MRC1: variants seen among roughly 807,000 people sequenced by gnomAD.
MRC1 encodes macrophage mannose receptor 1.
In MRC1, 62 loss-of-function variants were observed where a neutral mutation model predicts 102.9. The ratio of observed to expected loss-of-function variants is 0.60; its 90% CI spans 0.49 to 0.74. The LOEUF is 0.74. Among genes scored for constraint, MRC1 ranks in the 30% least tolerant of loss-of-function variants. The pLI is 0.00. For missense variants in MRC1, 1,237 were observed against 862.8 expected, an observed-to-expected ratio of 1.43 and a Z score of -5.43; for synonymous variants, 457 against 298.4, an observed-to-expected ratio of 1.53 and a Z score of -5.48.
chr10:17,820,702 A>T (rs1838382123), intron 1 of MRC1, among the ~76,000 whole-genome samples: 1 of 152,236 alleles, frequency 6.6e-6, no homozygotes, highest in Non-Finnish European at 1.5e-5. Context: ...AAACAACAGT[A>T]GGTAGAATAA....
rs974756967 is a variant in MRC1 at position 17,879,912 on chromosome 10, A to C, written c.2719+91A>C. On this transcript the variant is annotated intron_variant, in intron 19 of 29. Coordinates refer to ENST00000569591, the MANE Select transcript of MRC1 (RefSeq NM_002438.4). Reference sequence around the variant, plus strand: ...TAAAAGTAGCAAGTTGTGTGCTTACATCAGACAAGATAAGAAGAGAGAATA... The same window carrying C: ...TAAAAGTAGCAAGTTGTGTGCTTACCTCAGACAAGATAAGAAGAGAGAATA... 368 of 778,134 alleles carry C rather than the reference A, an allele frequency of 4.7e-4. 1 individual carries two copies. The African/African-American group carries it at 5.6e-3, about 12-fold the overall frequency. The allele number at this position is 778,134 out of a possible 1,614,324, so 48.2% of individuals were successfully genotyped here.
chr10:17,890,114 T>G (rs1833652532), intron 22 of MRC1, among the ~76,000 whole-genome samples: 1 of 152,224 alleles, frequency 6.6e-6, no homozygotes, highest in African/African-American at 2.4e-5. Context: ...TGGTGGGTTT[T>G]TTCTTTCAGC....
At chr10:17,888,017 A>G (rs1833624552) in intron 22 of MRC1, among the ~76,000 whole-genome samples, 2 of 151,998 alleles carry the variant, frequency 1.3e-5, no homozygotes, top group Non-Finnish European at 2.9e-5. Context: ...TGTTGGCCAG[A>G]CTGGTCTCGA....
At chr10:17,868,355 C>G (rs1833307824) in intron 12 of MRC1, among the ~76,000 whole-genome samples, 1 of 151,858 alleles carries the variant, frequency 6.6e-6, no homozygotes, top group African/African-American at 2.4e-5. Context: ...CACAAGGTGG[C>G]AGGACAGAGA....
chr10:17,860,275 T>G (rs1339561175), intron 9 of MRC1, among the ~76,000 whole-genome samples: 1 of 61,868 alleles, frequency 1.6e-5, no homozygotes, highest in African/African-American at 5.4e-5. Context: ...AGCATTTCTG[T>G]TTTTTTTTTT....
chr10:17,886,717 T>C (rs1347162437), intron 22 of MRC1, among the ~76,000 whole-genome samples: 2 of 152,146 alleles, frequency 1.3e-5, no homozygotes, highest in East Asian at 1.9e-4. Context: ...TTTGTTTCAA[T>C]AAATTTAAAA....
intron 23 of MRC1, among the ~76,000 whole-genome samples, chr10:17,897,344 T>G (rs911715075): frequency 1.1e-4 from 17 of 152,102 alleles, no homozygotes; most frequent in Non-Finnish European, 2.2e-4. Context: ...GCTAGGAGCT[T>G]GAGGACAAAA....
intron 19 of MRC1, among the ~76,000 whole-genome samples, 162 bp from the exon 20 acceptor site, chr10:17,880,363 A>C (rs1833496686): frequency 6.6e-6 from 1 of 152,246 alleles, no homozygotes; most frequent in Non-Finnish European, 1.5e-5. Flanking sequence ...GTAAAACAGC[A>C]AAAGGATATT....
intron 3 of MRC1, among the ~76,000 whole-genome samples, chr10:17,830,018 A>G (rs1564611883): frequency 9.2e-5 from 14 of 151,744 alleles, no homozygotes; most frequent in Non-Finnish European, 2.9e-5. Flanking sequence ...TGGTTTCAAT[A>G]TGCATTAAAA....
intron 17 of MRC1, among the ~76,000 whole-genome samples, chr10:17,876,203 C>T (rs1212305181): frequency 6.6e-6 from 1 of 151,706 alleles, no homozygotes; most frequent in East Asian, 1.9e-4. Context: ...CAAGTTATGC[C>T]CTATTGTTTA....
chr10:17,863,589 T>C lies in MRC1; in HGVS notation c.1690T>C (p.Trp564Arg). The C allele has an allele frequency of 1.3e-6, 1 of 780,912 alleles. No homozygotes were observed. 48.4% of individuals were successfully genotyped at this position (780,912 alleles called of 1,614,324 possible). The change falls in exon 11 of 30, where the codon TGG becomes CGG. Residue 564 changes from tryptophan to arginine, a missense_variant. Transcript: ENST00000569591. ...FVGLRPEKYFWTGLSDIQTKG... is the reference protein window; with the variant it reads ...FVGLRPEKYFRTGLSDIQTKG... ...TGGCTTAAGGCCTGAAAAATATTTC[T>C]GGACAGGACTTTCAGATATACAAAC... is the stretch of plus-strand genomic sequence containing the variant.
rs1257012538 is a variant in MRC1 at position 17,910,845 on chromosome 10, G to C, written c.*380G>C. 4.7e-6 allele frequency: 1 copy of C among 212,578 alleles called. No individual in the cohort carries two copies. Among genetic ancestry groups the C allele is most frequent in the Non-Finnish European group, 9.5e-6 (1 of 105,090 alleles). The allele number at this position is 212,578 out of a possible 1,614,324, so 13.2% of individuals were successfully genotyped here. Reference sequence around the variant, plus strand: ...GTGTTACCTATTAAATTGTAACTCAGCAAGTAGAAGACCATTTGAAAAGTC... The same window carrying C: ...GTGTTACCTATTAAATTGTAACTCACCAAGTAGAAGACCATTTGAAAAGTC... On this transcript the variant is annotated 3_prime_UTR_variant, in exon 30 of 30. Transcript: ENST00000569591.
At chr10:17,907,385 T>A in intron 27 of MRC1, 149 bp from the exon 28 acceptor site, 1 of 676,996 alleles carries the variant, frequency 1.5e-6, no homozygotes, top group Non-Finnish European at 2.7e-6. Context: ...TAATTAGTCA[T>A]TATAGTCTTG....
At chr10:17,814,973 C>G (rs1324096630) in intron 1 of MRC1, among the ~76,000 whole-genome samples, 1 of 152,028 alleles carries the variant, frequency 6.6e-6, no homozygotes, top group East Asian at 1.9e-4. Flanking sequence ...GCCGGTCCCT[C>G]TTTCTGCACT....
chr10:17,880,397 T>C lies in MRC1; in HGVS notation c.2720-128T>C. ...TTGCATGGATACCTCTAGTCACATA[T>C]AAAAATAAAGTTTGATTATAGTCTA... On this transcript the variant is annotated intron_variant, in intron 19 of 29. Transcript: ENST00000569591. The C allele has an allele frequency of 5.6e-6, 4 of 716,144 alleles. No individual in the cohort carries two copies. In the South Asian group the frequency reaches 6.2e-5, roughly 11 times the overall value. 44.4% of individuals were successfully genotyped at this position (716,144 alleles called of 1,614,324 possible).
chr10:17,814,528 T>C (rs1213187336), intron 1 of MRC1, among the ~76,000 whole-genome samples: 1 of 152,234 alleles, frequency 6.6e-6, no homozygotes, highest in Middle Eastern at 3.4e-3. Flanking sequence ...GAGGCTAGAA[T>C]GGCTAATAGC....
intron 26 of MRC1, among the ~76,000 whole-genome samples, chr10:17,903,730 A>G (rs1378230908): frequency 6.6e-6 from 1 of 151,804 alleles, no homozygotes; most frequent in African/African-American, 2.4e-5. Context: ...CTTTTACTAT[A>G]TATCGTTTGG....
At chr10:17,827,465 C>T in intron 2 of MRC1, 77 bp from the exon 3 acceptor site, 3 of 625,464 alleles carry the variant, frequency 4.8e-6, no homozygotes, top group Non-Finnish European at 9.2e-6. Flanking sequence ...CCAATTCCTT[C>T]AGTAGGCTTC....
At chr10:17,897,394 A>G (rs1833770472) in intron 23 of MRC1, among the ~76,000 whole-genome samples, 2 of 152,108 alleles carry the variant, frequency 1.3e-5, no homozygotes. Context: ...AGGGGCTCCA[A>G]CCCCTAGGTC....
Sources: allele counts gnomAD v4.1 joint callset (sites outside exome capture counted in the v4.1 genomes callset), GRCh38; gene constraint gnomAD v4.1.1; transcripts MANE v1.5; gene names NCBI Gene and HGNC (gene_info 2026-07-23, HGNC 2026-07-21).